Variants in FBXL13 observed in about 807,000 individuals in gnomAD.
FBXL13 encodes F-box and leucine-rich repeat protein 13.
Under a neutral mutation model 83.6 loss-of-function variants are expected in FBXL13, and 67 were observed. The observed-to-expected ratio is 0.80, with a 90% confidence interval of 0.66 to 0.98. The LOEUF (loss-of-function observed/expected upper bound fraction) is 0.98. FBXL13 is among the 50% of genes least tolerant of loss of function. FBXL13 has a pLI of 0.00. For synonymous variants in FBXL13, 272 were observed against 299.5 expected (o/e 0.91, Z 0.95); for missense variants, 822 against 866.5 (o/e 0.95, Z 0.64).
chr7:103,030,841 G>T (rs1183149986), intron 2 of FBXL13, among the ~76,000 whole-genome samples: 1 of 151,884 alleles, frequency 6.6e-6, no homozygotes, highest in African/African-American at 2.4e-5. Flanking sequence ...ATTAATTCAT[G>T]ATTTATAATA....
intron 10 of FBXL13, among the ~76,000 whole-genome samples, chr7:102,922,804 CT>C (rs1445592325): frequency 1.3e-5 from 2 of 151,394 alleles, no homozygotes; most frequent in Admixed American, 1.3e-4. Context: ...AACCCCGTCT[CT>C]ACTAAAAATA....
At chr7:103,010,972 C>G (rs573331642) in intron 6 of FBXL13, among the ~76,000 whole-genome samples, 1 of 151,846 alleles carries the variant, frequency 6.6e-6, no homozygotes, top group African/African-American at 2.4e-5. Flanking sequence ...CAAGGCCAGT[C>G]GACAGACCAC....
At chr7:102,871,461 C>T (rs1190051853) in intron 16 of FBXL13, among the ~76,000 whole-genome samples, 1 of 151,984 alleles carries the variant, frequency 6.6e-6, no homozygotes, top group East Asian at 1.9e-4. Context: ...TCTCGGCTCA[C>T]TGCAGGCTTG....
chr7:102,867,684 TATATATATA>T (rs1807884691), intron 16 of FBXL13, among the ~76,000 whole-genome samples: 2 of 83,400 alleles, frequency 2.4e-5, no homozygotes, highest in Middle Eastern at 5.6e-3. Flanking sequence ...TATATATATA[TATATATATA>T]TATTTTTTTT....
chr7:102,987,851 C>CT (rs1829151189), intron 6 of FBXL13, among the ~76,000 whole-genome samples: 2 of 152,090 alleles, frequency 1.3e-5, no homozygotes, highest in Non-Finnish European at 2.9e-5. Context: ...GGGGAAGTAA[C>CT]GGCTTCAAGC....
chr7:102,951,003 A>G (rs1235655701), intron 8 of FBXL13, among the ~76,000 whole-genome samples: 1 of 152,126 alleles, frequency 6.6e-6, no homozygotes, highest in Non-Finnish European at 1.5e-5. Flanking sequence ...TAAACTATGG[A>G]CTTTGGGTGA....
chr7:102,994,995 C>T (rs929622438), intron 6 of FBXL13, among the ~76,000 whole-genome samples: 2 of 152,136 alleles, frequency 1.3e-5, no homozygotes, highest in Non-Finnish European at 2.9e-5. Context: ...TTCAGATTCG[C>T]ACATAAAATT....
chr7:103,025,849 G>C (rs575401317), intron 5 of FBXL13, among the ~76,000 whole-genome samples: 1 of 151,972 alleles, frequency 6.6e-6, no homozygotes, highest in African/African-American at 2.4e-5. Context: ...TGGAGCGCTT[G>C]ACACACAGGT....
At chr7:103,033,881 C>G (rs899931359) in intron 2 of FBXL13, among the ~76,000 whole-genome samples, 5 of 152,176 alleles carry the variant, frequency 3.3e-5, no homozygotes, top group Non-Finnish European at 5.9e-5. Flanking sequence ...TCTGTTTTGA[C>G]AGGGCGCTGA....
chr7:103,014,008 T>G (rs1791956864), intron 6 of FBXL13, among the ~76,000 whole-genome samples: 1 of 151,990 alleles, frequency 6.6e-6, no homozygotes, highest in East Asian at 1.9e-4. Context: ...TTATGAACAC[T>G]TCTATACACA....
chr7:103,074,136 C>T (rs762691617), intron 1 of FBXL13: 65 of 689,440 alleles, frequency 9.4e-5, no homozygotes, highest in Non-Finnish European at 1.1e-4. Context: ...AGGGTCCTTA[C>T]CTTCACAAAG....
chr7:103,054,978 A>C, intron 2 of FBXL13, 110 bp downstream of exon 3: 1 of 564,400 alleles, frequency 1.8e-6, no homozygotes, highest in South Asian at 1.9e-5. Flanking sequence ...CGGTGCCCCC[A>C]ACAACAAAAA....
At chr7:103,049,766 G>A (rs375565057) in intron 2 of FBXL13, among the ~76,000 whole-genome samples, 3 of 152,064 alleles carry the variant, frequency 2.0e-5, no homozygotes, top group African/African-American at 4.8e-5. Flanking sequence ...CTTATTACCC[G>A]ACTTTAGCCA....
chr7:103,060,975 T>C (rs989095247), intron 1 of FBXL13, among the ~76,000 whole-genome samples: 1 of 152,204 alleles, frequency 6.6e-6, no homozygotes, highest in Non-Finnish European at 1.5e-5. Flanking sequence ...AATTTGTATT[T>C]ATGGAAGTTA....
chr7:102,864,989 A>G (rs1054000153), intron 16 of FBXL13, among the ~76,000 whole-genome samples: 9 of 152,194 alleles, frequency 5.9e-5, no homozygotes, highest in African/African-American at 1.9e-4. Flanking sequence ...ACTTTTAACT[A>G]TACAGTGATG....
intron 18 of FBXL13, among the ~76,000 whole-genome samples, chr7:102,827,674 C>A (rs1449192952): frequency 6.6e-6 from 1 of 151,996 alleles, no homozygotes; most frequent in Non-Finnish European, 1.5e-5. Context: ...TATTCCTCCC[C>A]CCTCCCGCCA....
At chr7:102,985,149 G>A (rs1563186944) in intron 6 of FBXL13, among the ~76,000 whole-genome samples, 2 of 152,118 alleles carry the variant, frequency 1.3e-5, no homozygotes, top group Non-Finnish European at 2.9e-5. Flanking sequence ...TGTGTTGATG[G>A]CTTCATACCC....
intron 10 of FBXL13, among the ~76,000 whole-genome samples, chr7:102,916,024 C>T (rs556409492): frequency 3.3e-5 from 5 of 151,470 alleles, no homozygotes; most frequent in Non-Finnish European, 5.9e-5. Flanking sequence ...CACTCTGTTA[C>T]CCAGGCTGGA....
At position 102,995,341 on chromosome 7, in the gene FBXL13, C is replaced by T. The variant is rs188085615; in HGVS notation, c.496-27224G>A. The stretch of plus-strand genomic sequence containing the variant: ...CTAAAAATACAAAAAATTAGCTGGG[C>T]GTGGTGGTGGGTGCCTGTAGTCCCA... On this transcript the variant is annotated intron_variant, in intron 6 of 19. Coordinates refer to ENST00000313221, the Ensembl canonical transcript of FBXL13. 2.6e-5 allele frequency among the ~76,000 whole-genome samples: 4 copies of T among 151,560 alleles called. 1 individual carries two copies. Among genetic ancestry groups the T allele is most frequent in the Admixed American group, 1.3e-4 (2 of 15,208 alleles).
Sources: allele counts gnomAD v4.1 joint callset (sites outside exome capture counted in the v4.1 genomes callset), GRCh38; gene constraint gnomAD v4.1.1; transcripts MANE v1.5; gene names NCBI Gene and HGNC (gene_info 2026-07-23, HGNC 2026-07-21).